The following CNTNAP2 variants were observed in gnomAD, a reference collection of about 807,000 sequenced individuals.
CNTNAP2 encodes contactin-associated protein-like 2.
In CNTNAP2, 98 loss-of-function variants were observed where a neutral mutation model predicts 155.2. The observed-to-expected ratio is 0.63, with a 90% CI of 0.54 to 0.75. CNTNAP2 has a LOEUF of 0.75. CNTNAP2 is among the 30% of genes least tolerant of loss of function. The pLI, the probability that CNTNAP2 is intolerant of heterozygous loss-of-function variation, is 0.00. For synonymous variants in CNTNAP2, 651 were observed against 631.2 expected (o/e 1.03, Z -0.47); for missense variants, 1,727 against 1,688.1 (o/e 1.02, Z -0.40).
intron 12 of CNTNAP2, among the ~76,000 whole-genome samples, chr7:147,618,543 G>A (rs1209138463): frequency 1.4e-5 from 2 of 147,544 alleles, no homozygotes; most frequent in Admixed American, 6.8e-5. Flanking sequence ...TTTTTCATTA[G>A]ACTCAGCTCA....
chr7:147,559,565 A>T (rs1800018955), intron 11 of CNTNAP2, among the ~76,000 whole-genome samples: 1 of 152,206 alleles, frequency 6.6e-6, no homozygotes, highest in African/African-American at 2.4e-5. Flanking sequence ...CAAATGAAAG[A>T]CAATGATAAG....
intron 1 of CNTNAP2, among the ~76,000 whole-genome samples, chr7:146,188,721 C>A (rs1312633013): frequency 6.6e-6 from 1 of 152,094 alleles, no homozygotes; most frequent in Non-Finnish European, 1.5e-5. Context: ...GCATACCCAC[C>A]ACCAACCAAA....
chr7:146,886,556 T>C (rs1238053361), intron 3 of CNTNAP2, among the ~76,000 whole-genome samples: 2 of 152,046 alleles, frequency 1.3e-5, no homozygotes, highest in Non-Finnish European at 1.5e-5. Context: ...GTATGTTTTT[T>C]TCTGTTTCTT....
chr7:146,455,984 C>T (rs1322298032), intron 1 of CNTNAP2, among the ~76,000 whole-genome samples: 2 of 151,978 alleles, frequency 1.3e-5, no homozygotes, highest in Non-Finnish European at 2.9e-5. Context: ...GGCTATAAAC[C>T]ATGAATTGAT....
At chr7:148,359,133 A>G (rs1798573972) in intron 21 of CNTNAP2, among the ~76,000 whole-genome samples, 1 of 152,238 alleles carries the variant, frequency 6.6e-6, no homozygotes, top group Non-Finnish European at 1.5e-5. Context: ...TATTGAGTAC[A>G]ATAACATGCT....
chr7:147,658,027 C>A (rs541848392), intron 13 of CNTNAP2, among the ~76,000 whole-genome samples: 1 of 118,328 alleles, frequency 8.5e-6, no homozygotes, highest in Admixed American at 1.1e-4. Flanking sequence ...GAGGCCGAGG[C>A]GGGCGGATCA....
chr7:146,428,743 C>T (rs537536144), intron 1 of CNTNAP2, among the ~76,000 whole-genome samples: 1 of 151,942 alleles, frequency 6.6e-6, no homozygotes, highest in African/African-American at 2.4e-5. Flanking sequence ...TGCAGAAGCT[C>T]TTTAGCTTAA....
chr7:147,723,583 GAACTCTAGTTGCAA>G (rs1796598249), intron 13 of CNTNAP2, among the ~76,000 whole-genome samples: 1 of 149,492 alleles, frequency 6.7e-6, no homozygotes, highest in Non-Finnish European at 1.5e-5. Context: ...TTTTTTTTTA[GAACTCTAGTTGCAA>G]AACTCTGCTT....
At chr7:147,451,899 G>A (rs188200034) in intron 10 of CNTNAP2, among the ~76,000 whole-genome samples, 73 of 152,312 alleles carry the variant, frequency 4.8e-4, no homozygotes, top group Non-Finnish European at 8.8e-4. Flanking sequence ...CACAGGGCAA[G>A]TTTGGTGACC....
intron 15 of CNTNAP2, among the ~76,000 whole-genome samples, chr7:148,057,842 G>C (rs1437607306): frequency 7.2e-5 from 11 of 151,958 alleles, no homozygotes; most frequent in Admixed American, 3.3e-4. Context: ...TGGTGGAGAA[G>C]TTATTTCACT....
At chr7:146,761,551 T>C (rs1802100717) in intron 1 of CNTNAP2, among the ~76,000 whole-genome samples, 1 of 152,162 alleles carries the variant, frequency 6.6e-6, no homozygotes, top group Non-Finnish European at 1.5e-5. Flanking sequence ...TTTGTCTCTT[T>C]CTTGAAGATG....
chr7:146,257,652 GC>G (rs1229327765), intron 1 of CNTNAP2, among the ~76,000 whole-genome samples: 2 of 152,168 alleles, frequency 1.3e-5, no homozygotes, highest in Non-Finnish European at 2.9e-5. Flanking sequence ...TTTAGCCTAA[GC>G]CAGTGGTTTT....
intron 13 of CNTNAP2, among the ~76,000 whole-genome samples, chr7:147,776,896 T>C (rs904872522): frequency 6.6e-6 from 1 of 152,042 alleles, no homozygotes; most frequent in Non-Finnish European, 1.5e-5. Flanking sequence ...TCTCTTTTTA[T>C]TAATGCTTAT....
intron 11 of CNTNAP2, among the ~76,000 whole-genome samples, chr7:147,534,244 A>G (rs2116731187): frequency 6.6e-6 from 1 of 152,304 alleles, no homozygotes; most frequent in South Asian, 2.1e-4. Flanking sequence ...CATCCTACAA[A>G]GCACTGCAGA....
intron 1 of CNTNAP2, among the ~76,000 whole-genome samples, chr7:146,601,073 C>T (rs1364221380): frequency 6.6e-6 from 1 of 151,978 alleles, no homozygotes; most frequent in Non-Finnish European, 1.5e-5. Context: ...ACTAATTTTC[C>T]CATTTCCTTT....
intron 21 of CNTNAP2, among the ~76,000 whole-genome samples, chr7:148,343,716 G>A (rs541452696): frequency 1.8e-4 from 27 of 152,264 alleles, no homozygotes; most frequent in South Asian, 6.2e-4. Flanking sequence ...CAAGAAAAGC[G>A]TAGACTGGCA....
At chr7:147,505,916 G>C (rs1302342717) in intron 11 of CNTNAP2, among the ~76,000 whole-genome samples, 1 of 151,956 alleles carries the variant, frequency 6.6e-6, no homozygotes, top group Non-Finnish European at 1.5e-5. Context: ...ATCAGATCTT[G>C]TAACGAGAAT....
intron 12 of CNTNAP2, among the ~76,000 whole-genome samples, chr7:147,592,477 G>GTTTTT (rs1439582669): frequency 1.2e-5 from 1 of 83,386 alleles, no homozygotes; most frequent in Non-Finnish European, 2.6e-5. Flanking sequence ...GGTTGTTTCT[G>GTTTTT]GTTTTTTTTT....
intron 12 of CNTNAP2, among the ~76,000 whole-genome samples, chr7:147,572,309 A>C (rs553382353): frequency 2.0e-5 from 3 of 152,160 alleles, no homozygotes; most frequent in Non-Finnish European, 4.4e-5. Context: ...AATTAAAAAA[A>C]AAAAAGAGAG....
Sources: gnomAD v4.1 joint callset for allele counts (sites outside exome capture counted in the v4.1 genomes callset) on GRCh38, gnomAD v4.1.1 for gene constraint, MANE v1.5 for transcripts, NCBI Gene and HGNC (gene_info 2026-07-23, HGNC 2026-07-21) for gene names.